Variants in ZFAND3 observed in about 807,000 individuals in gnomAD.
ZFAND3 encodes AN1-type zinc finger protein 3.
ZFAND3 carries 10 observed loss-of-function variants against 29.6 expected under a neutral mutation model. The observed-to-expected ratio is 0.34, with a 90% CI of 0.21 to 0.57. The LOEUF is 0.57. Ranked by LOEUF, ZFAND3 falls within the 20% of genes least tolerant of loss-of-function variation. The pLI is 0.86. For synonymous variants in ZFAND3, 128 were observed against 112.6 expected, an observed-to-expected ratio of 1.14 and a Z score of -0.87; for missense variants, 230 against 304.5, an observed-to-expected ratio of 0.76 and a Z score of 1.82.
chr6:38,099,369 A>C (rs1765047054), intron 4 of ZFAND3, among the ~76,000 whole-genome samples: 1 of 152,146 alleles, frequency 6.6e-6, no homozygotes, highest in African/African-American at 2.4e-5. Flanking sequence ...CCCACTATAT[A>C]TGTATAATTA....
intron 4 of ZFAND3, among the ~76,000 whole-genome samples, chr6:38,095,759 G>A (rs904953293): frequency 6.6e-5 from 10 of 152,260 alleles, no homozygotes; most frequent in African/African-American, 2.2e-4. Context: ...AGCCAGACAC[G>A]GTGGCTCATA....
At chr6:38,034,695 G>A (rs778701894) in intron 2 of ZFAND3, among the ~76,000 whole-genome samples, 9 of 152,112 alleles carry the variant, frequency 5.9e-5, no homozygotes, top group Non-Finnish European at 1.3e-4. Context: ...TCCCCAAATA[G>A]GGACTTCTAG....
At chr6:38,022,581 G>A (rs1021989307) in intron 2 of ZFAND3, among the ~76,000 whole-genome samples, 2 of 152,100 alleles carry the variant, frequency 1.3e-5, no homozygotes, top group Non-Finnish European at 2.9e-5. Context: ...TTAAAATACC[G>A]TCCTCTTCCC....
At position 37,819,857 on chromosome 6, in the gene ZFAND3, G is replaced by C. The variant is rs1763625184; in HGVS notation, c.-89G>C. The stretch of plus-strand genomic sequence containing the variant: ...CCCCTCCCCCCGCCCCGAGCCCCCC[G>C]ACGCCGCCGCCACCGCCTCCTCAGA... On this transcript the variant is annotated 5_prime_UTR_variant, in exon 1 of 6. Coordinates refer to ENST00000287218, the MANE Select transcript of ZFAND3 (RefSeq NM_021943.3). 10 of 479,970 alleles carry C rather than the reference G, an allele frequency of 2.1e-5. No individual in the cohort carries two copies. Among genetic ancestry groups the C allele is most frequent in the South Asian group, 9.6e-5 (1 of 10,458 alleles). 29.7% of individuals were successfully genotyped at this position (479,970 alleles called of 1,614,324 possible). A position where few individuals can be genotyped will look rare whatever the true frequency, so the allele number is the denominator to read the frequency against.
At position 38,116,630 on chromosome 6, in the gene ZFAND3, G is replaced by A. The variant is rs760769744; in HGVS notation, c.420G>A (p.Thr140=). The A allele has an allele frequency of 3.1e-6, 5 of 1,614,070 alleles. No homozygotes were observed. The highest frequency in any genetic ancestry group is 4.2e-6 in the Non-Finnish European group (5 of 1,179,924). The stretch of plus-strand genomic sequence containing the variant: ...AACGGCCACGACTACTTGAGAATAC[G>A]GAACGGTCCGAGGAAACCAGTCGAT... ...PVKRPRLLEN[T]ERSEETSRSK... The change falls in exon 5 of 6, where the codon ACG becomes ACA. Residue 140 remains threonine (T), a synonymous_variant. Transcript: ENST00000287218.
rs1763628438 is a variant in ZFAND3 at position 37,819,927 on chromosome 6, T to G, written c.-19T>G. On this transcript the variant is annotated 5_prime_UTR_variant, in exon 1 of 6. Coordinates refer to ENST00000287218, the MANE Select transcript of ZFAND3 (RefSeq NM_021943.3). Reference sequence around the variant, plus strand: ...GCCGCCACCGCTGCCGCCGCCGAGCTCCGCCGCCGCCGAGCACCATGGGAG... The same window carrying G: ...GCCGCCACCGCTGCCGCCGCCGAGCGCCGCCGCCGCCGAGCACCATGGGAG... 2 of 1,210,122 alleles carry G rather than the reference T, an allele frequency of 1.7e-6. No individual in the cohort carries two copies. Among genetic ancestry groups the G allele is most frequent in the Non-Finnish European group, 2.0e-6 (2 of 975,782 alleles). The allele number at this position is 1,210,122 out of a possible 1,614,324, so 75.0% of individuals were successfully genotyped here.
intron 2 of ZFAND3, among the ~76,000 whole-genome samples, chr6:38,006,403 C>T (rs190358460): frequency 5.0e-4 from 76 of 152,142 alleles, no homozygotes; most frequent in African/African-American, 1.8e-3. Context: ...TGAAATTTGC[C>T]TAATTAAGAG....
intron 3 of ZFAND3, among the ~76,000 whole-genome samples, chr6:38,073,270 G>A (rs1186615514): frequency 6.6e-6 from 1 of 151,530 alleles, no homozygotes; most frequent in Non-Finnish European, 1.5e-5. Flanking sequence ...AAGTGTTGCA[G>A]CCTTTTTTCA....
In ZFAND3 at chr6:37,884,008, C is replaced by G. The variant is rs911368303; in HGVS notation, c.72-45951C>G. On this transcript the variant is annotated intron_variant, in intron 1 of 5. Coordinates refer to ENST00000287218, the MANE Select transcript of ZFAND3 (RefSeq NM_021943.3). ...GATGACCAAGAGCTTTACAAGGGCC[C>G]TAGAGCTCCTGGGTAGGGAAAGATG... Among the ~76,000 whole-genome samples, 8 of 145,090 alleles carry G rather than the reference C, an allele frequency of 5.5e-5. 2 individuals carry two copies. Among genetic ancestry groups the G allele is most frequent in the African/African-American group, 1.7e-4 (6 of 35,824 alleles).
chr6:38,098,677 A>G (rs1211538740), intron 4 of ZFAND3, among the ~76,000 whole-genome samples: 2 of 150,590 alleles, frequency 1.3e-5, no homozygotes, highest in South Asian at 2.1e-4. Context: ...ATTTTTTTTT[A>G]TTTTTAGTAG....
intron 1 of ZFAND3, among the ~76,000 whole-genome samples, chr6:37,861,608 C>G (rs1315500047): frequency 6.6e-6 from 1 of 152,156 alleles, no homozygotes; most frequent in Non-Finnish European, 1.5e-5. Flanking sequence ...GTAAGACTTA[C>G]AGGGGTTAAA....
chr6:38,066,070 G>A (rs1340885744), intron 3 of ZFAND3, among the ~76,000 whole-genome samples: 1 of 152,190 alleles, frequency 6.6e-6, no homozygotes, highest in Non-Finnish European at 1.5e-5. Flanking sequence ...AGCTAGTAGT[G>A]GTTAACAGGC....
chr6:38,154,210 T>G lies in ZFAND3; in HGVS notation c.*1821T>G. On this transcript the variant is annotated 3_prime_UTR_variant, in exon 6 of 6. Coordinates refer to ENST00000287218, the MANE Select transcript of ZFAND3 (RefSeq NM_021943.3). ...CTCAGTGAGGCAGCCCCCCATAGGC[T>G]TCCGCCAAGCTCTGGTCCCGAAGAG... 2.0e-6 allele frequency: 2 copies of G among 985,548 alleles called. No individual in the cohort carries two copies. The allele number at this position is 985,548 out of a possible 1,614,324, so 61.1% of individuals were successfully genotyped here. A position where few individuals can be genotyped will look rare whatever the true frequency, so the allele number is the denominator to read the frequency against.
At chr6:37,958,448 G>A (rs1762138395) in intron 2 of ZFAND3, among the ~76,000 whole-genome samples, 1 of 108,522 alleles carries the variant, frequency 9.2e-6, no homozygotes, top group African/African-American at 4.1e-5. Flanking sequence ...AACAAGACTC[G>A]GTCTCAAAAA....
At chr6:38,103,379 A>G (rs994141216) in intron 4 of ZFAND3, among the ~76,000 whole-genome samples, 6 of 147,396 alleles carry the variant, frequency 4.1e-5, no homozygotes, top group Middle Eastern at 3.5e-3. Flanking sequence ...CACACAATAT[A>G]TATATACACA....
At chr6:38,029,434 A>C (rs1763507483) in intron 2 of ZFAND3, among the ~76,000 whole-genome samples, 1 of 152,190 alleles carries the variant, frequency 6.6e-6, no homozygotes, top group Admixed American at 6.5e-5. Flanking sequence ...ATTTTTTAAA[A>C]GTTGGGTAAT....
chr6:38,050,990 G>A (rs1581873817), intron 2 of ZFAND3, among the ~76,000 whole-genome samples: 1 of 152,132 alleles, frequency 6.6e-6, no homozygotes, highest in East Asian at 1.9e-4. Flanking sequence ...ATGAGGCTGA[G>A]AACTGAGTAG....
intron 2 of ZFAND3, among the ~76,000 whole-genome samples, chr6:38,057,104 G>C (rs1180207444): frequency 2.0e-5 from 3 of 152,038 alleles, no homozygotes; most frequent in Non-Finnish European, 4.4e-5. Context: ...GAGACTTCTA[G>C]TTTTCTCATT....
intron 1 of ZFAND3, among the ~76,000 whole-genome samples, chr6:37,914,692 G>A (rs1365168446): frequency 1.2e-4 from 4 of 32,804 alleles, no homozygotes; most frequent in Non-Finnish European, 2.8e-4. Flanking sequence ...TAGTGGAGAC[G>A]GGGTTTCGCT....
Sources: allele counts gnomAD v4.1 joint callset (sites outside exome capture counted in the v4.1 genomes callset), GRCh38; gene constraint gnomAD v4.1.1; transcripts MANE v1.5; gene names NCBI Gene and HGNC (gene_info 2026-07-23, HGNC 2026-07-21).